The following MAP3K15 variants were observed in gnomAD, a reference collection of about 807,000 sequenced individuals.
MAP3K15 encodes mitogen-activated protein kinase kinase kinase 15, also known as MAPK/ERK kinase kinase 15.
In MAP3K15, 124 loss-of-function variants were observed where a neutral mutation model predicts 99.5. The ratio of observed to expected loss-of-function variants is 1.25; its 90% CI spans 1.08 to 1.45. MAP3K15 has a LOEUF of 1.45. Among genes scored for constraint, MAP3K15 ranks in the 40% most tolerant of loss-of-function variants. The probability of loss-of-function intolerance (pLI) is 0.00; values close to 1 mark genes in which losing one functional copy is unlikely to be tolerated. For synonymous variants in MAP3K15, 494 were observed against 439.6 expected (o/e 1.12, Z -1.55); for missense variants, 1,242 against 1,079.7 (o/e 1.15, Z -2.11).
At chrX:19,397,977 T>C (rs1401822554) in intron 15 of MAP3K15, among the ~76,000 whole-genome samples, 1 of 107,680 alleles carries the variant, frequency 9.3e-6, no homozygotes, top group Non-Finnish European at 1.9e-5. Flanking sequence ...GCCATGAGAA[T>C]TGCTTGAACC....
chrX:19,482,282 C>T (rs1461271830), intron 3 of MAP3K15: 1 of 109,292 alleles, frequency 9.1e-6, no homozygotes, highest in Non-Finnish European at 1.9e-5. Flanking sequence ...CAAAGATTTG[C>T]ACTCGAATAT....
intron 1 of MAP3K15, among the ~76,000 whole-genome samples, chrX:19,489,324 C>G (rs1431283142): frequency 1.8e-5 from 2 of 111,077 alleles, no homozygotes; most frequent in Non-Finnish European, 3.8e-5. Flanking sequence ...TCTGTGCAGC[C>G]CAAGTCAGAG....
chrX:19,487,109 C>T (rs1222171313), intron 2 of MAP3K15, among the ~76,000 whole-genome samples: 2 of 83,042 alleles, frequency 2.4e-5, no homozygotes, highest in Non-Finnish European at 4.3e-5. Flanking sequence ...GTCTCATTTA[C>T]GCACCAACAT....
intron 3 of MAP3K15, among the ~76,000 whole-genome samples, chrX:19,471,999 G>A (rs1339050170): frequency 9.0e-6 from 1 of 111,220 alleles, no homozygotes; most frequent in Non-Finnish European, 1.9e-5. Flanking sequence ...AAGGTGGGTG[G>A]ATCACGAGGC....
chrX:19,392,439 C>A lies in MAP3K15; in HGVS notation c.2229G>T (p.Gly743=), dbSNP rs199911824. 1.2e-4 allele frequency: 139 copies of A among 1,208,687 alleles called. No individual in the cohort carries two copies. The highest frequency in any genetic ancestry group is 1.1e-3 in the South Asian group (62 of 56,710). Residue 743 remains glycine (G), a synonymous_variant, in exon 17 of 29, where the codon GGG becomes GGT. Coordinates refer to ENST00000338883, the MANE Select transcript of MAP3K15 (RefSeq NM_001001671.4). ...SLSALLRSKW[G]PMKEPTIKFY... ...ACTTGATTGTCGGTTCCTTCATCGGCCCCCATTTGGATCGCAGAAGAGCAG... is the reference window on the plus strand; with the variant it reads ...ACTTGATTGTCGGTTCCTTCATCGGACCCCATTTGGATCGCAGAAGAGCAG...
At chrX:19,487,385 A>C (rs1203119384) in intron 2 of MAP3K15, among the ~76,000 whole-genome samples, 2 of 111,798 alleles carry the variant, frequency 1.8e-5, no homozygotes, top group Non-Finnish European at 3.8e-5. Flanking sequence ...TGAAAAAAAA[A>C]TTCTAATTTC....
At chrX:19,407,360 T>G (rs1204607271) in intron 12 of MAP3K15, 77 bp from the exon 13 acceptor site, 1 of 535,115 alleles carries the variant, frequency 1.9e-6, no homozygotes, top group Non-Finnish European at 2.9e-6. Flanking sequence ...TCTTTTCTTC[T>G]ATTTTATCAA....
At chrX:19,453,359 G>C (rs1286277137) in intron 6 of MAP3K15, among the ~76,000 whole-genome samples, 1 of 109,653 alleles carries the variant, frequency 9.1e-6, no homozygotes, top group Admixed American at 9.8e-5. Context: ...TATTAGCCAG[G>C]CGTGGTGATG....
chrX:19,362,718 C>G lies in MAP3K15; in HGVS notation c.3679+20G>C, dbSNP rs766371223. ...ATATTAGCTAGATGTTAAAGTCTGT[C>G]TCATTGGAAAATGACTTACAATTCG... On this transcript the variant is annotated intron_variant, in intron 26 of 28. Transcript: ENST00000338883. The G allele has an allele frequency of 3.2e-6, 3 of 933,432 alleles. No individual in the cohort carries two copies. The East Asian group carries it at 9.2e-5, about 29-fold the overall frequency. 76.9% of individuals were successfully genotyped at this position (933,432 alleles called of 1,213,427 possible).
intron 13 of MAP3K15, among the ~76,000 whole-genome samples, chrX:19,402,473 T>A (rs1444725331): frequency 9.0e-6 from 1 of 110,693 alleles, no homozygotes; most frequent in African/African-American, 3.3e-5. Context: ...CTCCTAGATA[T>A]ATACTCAATA....
intron 4 of MAP3K15, among the ~76,000 whole-genome samples, chrX:19,461,766 G>T (rs774713253): frequency 2.7e-5 from 3 of 111,087 alleles, no homozygotes; most frequent in Admixed American, 9.7e-5. Context: ...CAAGGCAAGA[G>T]GATCACCCGA....
chrX:19,448,327 T>C (rs1385372416), intron 6 of MAP3K15, among the ~76,000 whole-genome samples: 1 of 109,297 alleles, frequency 9.1e-6, no homozygotes, highest in Non-Finnish European at 1.9e-5. Context: ...TGTCAAAATG[T>C]ATTACAAATA....
intron 6 of MAP3K15, among the ~76,000 whole-genome samples, chrX:19,455,926 A>G (rs769420429): frequency 9.0e-6 from 1 of 111,145 alleles, no homozygotes; most frequent in East Asian, 2.8e-4. Context: ...TATAAATAAG[A>G]ATGGAGCTTA....
chrX:19,445,865 C>T (rs775909729), intron 6 of MAP3K15, among the ~76,000 whole-genome samples: 114 of 108,019 alleles, frequency 1.1e-3, no homozygotes, highest in Non-Finnish European at 2.0e-3. Flanking sequence ...GAGAACTGCT[C>T]GAACCCGGGA....
chrX:19,417,102 C>T (rs1183718458), intron 9 of MAP3K15, among the ~76,000 whole-genome samples: 1 of 111,988 alleles, frequency 8.9e-6, no homozygotes, highest in Non-Finnish European at 1.9e-5. Flanking sequence ...CTCCAGTCGA[C>T]AGCCCCCAGC....
At chrX:19,375,958 C>T (rs1012552339) in intron 19 of MAP3K15, among the ~76,000 whole-genome samples, 1 of 112,195 alleles carries the variant, frequency 8.9e-6, no homozygotes, top group Non-Finnish European at 1.9e-5. Context: ...CTCACCTGAG[C>T]GGTAGGGAGG....
chrX:19,475,402 C>T (rs919185008), intron 3 of MAP3K15, among the ~76,000 whole-genome samples: 1 of 111,096 alleles, frequency 9.0e-6, no homozygotes, highest in Non-Finnish European at 1.9e-5. Flanking sequence ...CTGTGCGGCC[C>T]GGTCGGGTGG....
intron 4 of MAP3K15, among the ~76,000 whole-genome samples, chrX:19,463,571 G>C (rs1602329798): frequency 8.9e-6 from 1 of 112,262 alleles, no homozygotes; most frequent in East Asian, 2.8e-4. Context: ...AACATCTGAA[G>C]GTATGGTTTC....
intron 8 of MAP3K15, 115 bp from the exon 9 acceptor site, chrX:19,425,805 C>A: frequency 1.1e-5 from 8 of 705,783 alleles, no homozygotes; most frequent in Non-Finnish European, 1.6e-5. Context: ...GGAAAAGTAA[C>A]TGATTGTTCC....
Sources: gnomAD v4.1 joint callset for allele counts (sites outside exome capture counted in the v4.1 genomes callset) on GRCh38, gnomAD v4.1.1 for gene constraint, MANE v1.5 for transcripts, NCBI Gene and HGNC (gene_info 2026-07-23, HGNC 2026-07-21) for gene names.